CRIM1: variants seen among roughly 807,000 people sequenced by gnomAD.
CRIM1 encodes cysteine rich transmembrane BMP regulator 1.
Under a neutral mutation model 116.4 loss-of-function variants are expected in CRIM1, and 32 were observed. That is an observed-to-expected ratio of 0.27 (90% confidence interval 0.21 to 0.37). The LOEUF (loss-of-function observed/expected upper bound fraction) is 0.37, where lower values mean the gene tolerates loss of function less well. CRIM1 is among the 10% of genes least tolerant of loss of function. CRIM1 has a pLI of 1.00. For synonymous variants in CRIM1, 590 were observed against 509.2 expected (o/e 1.16, Z -2.13); for missense variants, 1,331 against 1,354.8 (o/e 0.98, Z 0.28).
rs553167654 is a variant in CRIM1, at chr2:36,389,519, GCTT to G, written c.332-7092_332-7090del. ...TGCCAACAGAATTCCATTACTGTGA[GCTT>G]CTGCGTGTGTACTGTGAATTTGTTT... is the stretch of plus-strand genomic sequence containing the variant. On this transcript the variant is annotated intron_variant, in intron 1 of 16. Transcript: ENST00000280527. Among the ~76,000 whole-genome samples the G allele has an allele frequency of 1.2e-4, 18 of 152,324 alleles. No homozygotes were observed. In the East Asian group the frequency reaches 3.5e-3, roughly 29 times the overall value.
intron 2 of CRIM1, among the ~76,000 whole-genome samples, chr2:36,404,639 T>C (rs1397906769): frequency 6.6e-6 from 1 of 152,248 alleles, no homozygotes; most frequent in African/African-American, 2.4e-5. Context: ...GAGGACTATT[T>C]TCTAAATGAC....
chr2:36,387,245 A>G (rs1671234994), intron 1 of CRIM1, among the ~76,000 whole-genome samples: 1 of 152,220 alleles, frequency 6.6e-6, no homozygotes, highest in Non-Finnish European at 1.5e-5. Context: ...GGCTTAATCC[A>G]AGGATGTCTT....
chr2:36,461,442 G>A (rs1005704102), intron 4 of CRIM1, among the ~76,000 whole-genome samples: 1 of 152,210 alleles, frequency 6.6e-6, no homozygotes, highest in Non-Finnish European at 1.5e-5. Flanking sequence ...GCATGCGTCA[G>A]TTCTTCTGTA....
chr2:36,530,035 T>TTAAGATCAGA (rs1553333727), intron 13 of CRIM1, among the ~76,000 whole-genome samples: 1 of 151,092 alleles, frequency 6.6e-6, no homozygotes, highest in African/African-American at 2.4e-5. Context: ...TAAGATCAGA[T>TTAAGATCAGA]TTTTTTTTAT....
chr2:36,538,974 G>C (rs910308288), intron 14 of CRIM1, among the ~76,000 whole-genome samples: 1 of 152,184 alleles, frequency 6.6e-6, no homozygotes, highest in South Asian at 2.1e-4. Flanking sequence ...TGCCTTTTAT[G>C]TGCCAAGCAC....
intron 5 of CRIM1, among the ~76,000 whole-genome samples, chr2:36,475,822 T>TCA (rs1678929490): frequency 6.6e-6 from 1 of 152,228 alleles, no homozygotes; most frequent in Non-Finnish European, 1.5e-5. Flanking sequence ...CCAAAAACTG[T>TCA]GTCTATCGAA....
intron 1 of CRIM1, among the ~76,000 whole-genome samples, chr2:36,365,891 G>A (rs1030248768): frequency 1.2e-4 from 18 of 152,088 alleles, no homozygotes; most frequent in Non-Finnish European, 2.1e-4. Flanking sequence ...GTGCCACCAC[G>A]CCCAACTACT....
chr2:36,465,975 T>G (rs903254058), intron 5 of CRIM1, among the ~76,000 whole-genome samples: 21 of 151,728 alleles, frequency 1.4e-4, no homozygotes, highest in African/African-American at 5.1e-4. Context: ...AAGCTCTGCC[T>G]CCCAGGTTCA....
At chr2:36,476,864 C>A in intron 5 of CRIM1, 25 bp from the exon 6 acceptor site, 1 of 1,578,758 alleles carries the variant, frequency 6.3e-7, no homozygotes, top group Non-Finnish European at 8.6e-7. Context: ...TACAAATATG[C>A]CTTGTTTGTT....
At chr2:36,364,250 C>T (rs1669438979) in intron 1 of CRIM1, among the ~76,000 whole-genome samples, 1 of 152,188 alleles carries the variant, frequency 6.6e-6, no homozygotes, top group Non-Finnish European at 1.5e-5. Context: ...GGTGCCAGGA[C>T]CACACTTTTA....
rs758229990 is a variant in CRIM1, at chr2:36,550,124, C to T, written c.*1423C>T. ...TGCACCTGCTATGGAGAAGGGTATT[C>T]CTTTATTAAAATCTTCCTCATTTGG... On this transcript the variant is annotated 3_prime_UTR_variant, in exon 17 of 17. Transcript: ENST00000280527. The T allele has an allele frequency of 7.9e-5, 12 of 152,270 alleles. No homozygotes were observed. The highest frequency in any genetic ancestry group is 7.2e-4 in the Admixed American group (11 of 15,234). 9.4% of individuals were successfully genotyped at this position (152,270 alleles called of 1,614,324 possible).
intron 1 of CRIM1, among the ~76,000 whole-genome samples, chr2:36,374,783 T>A (rs762314935): frequency 3.3e-5 from 5 of 152,174 alleles, no homozygotes; most frequent in Non-Finnish European, 5.9e-5. Flanking sequence ...GTGTCATCTC[T>A]TCTTACTAAG....
At chr2:36,406,575 T>G (rs138614947) in intron 2 of CRIM1, among the ~76,000 whole-genome samples, 2 of 151,902 alleles carry the variant, frequency 1.3e-5, no homozygotes, top group Admixed American at 1.3e-4. Context: ...CTTAGTGTTT[T>G]AAACTTGATA....
At chr2:36,360,377 CTATT>C (rs1669140459) in intron 1 of CRIM1, among the ~76,000 whole-genome samples, 1 of 152,132 alleles carries the variant, frequency 6.6e-6, no homozygotes, top group Non-Finnish European at 1.5e-5. Context: ...TTCTTGGTGA[CTATT>C]TACTCAGTAG....
chr2:36,462,413 GA>G, intron 4 of CRIM1, among the ~76,000 whole-genome samples: 1 of 152,276 alleles, frequency 6.6e-6, no homozygotes, highest in South Asian at 2.1e-4. Flanking sequence ...CATAAAAGGG[GA>G]AAAAAGACTT....
chr2:36,512,228 A>G (rs1182151873), intron 9 of CRIM1, 45 bp from the exon 10 acceptor site: 1 of 1,599,986 alleles, frequency 6.3e-7, no homozygotes, highest in African/African-American at 1.3e-5. Context: ...GCATCATTTG[A>G]GACTTTGTGA....
At chr2:36,434,130 A>G (rs937124796) in intron 2 of CRIM1, among the ~76,000 whole-genome samples, 4 of 152,254 alleles carry the variant, frequency 2.6e-5, no homozygotes, top group Non-Finnish European at 4.4e-5. Flanking sequence ...TAAAGGAGTC[A>G]GTCTCTAAAT....
intron 5 of CRIM1, 79 bp downstream of exon 5, chr2:36,464,734 C>A: frequency 6.5e-7 from 1 of 1,543,382 alleles, no homozygotes; most frequent in Non-Finnish European, 8.9e-7. Context: ...TTAGCTGCTT[C>A]TGCCTTTTAC....
chr2:36,425,272 A>T (rs1440845243), intron 2 of CRIM1, among the ~76,000 whole-genome samples: 1 of 152,218 alleles, frequency 6.6e-6, no homozygotes, highest in African/African-American at 2.4e-5. Context: ...CTTAATAAAC[A>T]GCTCTAGCAG....
Sources: gnomAD v4.1 joint callset for allele counts (sites outside exome capture counted in the v4.1 genomes callset) on GRCh38, gnomAD v4.1.1 for gene constraint, MANE v1.5 for transcripts, NCBI Gene and HGNC (gene_info 2026-07-23, HGNC 2026-07-21) for gene names.